Variants in COL11A1 observed in about 807,000 individuals in gnomAD.
The protein encoded by COL11A1 is collagen alpha-1(XI) chain.
In COL11A1, 74 loss-of-function variants were observed where a neutral mutation model predicts 265.2. The ratio of observed to expected loss-of-function variants is 0.28; its 90% CI spans 0.23 to 0.34. COL11A1 has a LOEUF of 0.34. COL11A1 is among the 10% of genes least tolerant of loss of function. The pLI is 1.00. For missense variants in COL11A1, 2,165 were observed against 2,263.6 expected (o/e 0.96, Z 0.88); for synonymous variants, 816 against 727.6 (o/e 1.12, Z -1.96).
At chr1:102,991,434 C>A (rs1664116334) in intron 28 of COL11A1, among the ~76,000 whole-genome samples, 1 of 111,724 alleles carries the variant, frequency 9.0e-6, no homozygotes, top group African/African-American at 2.5e-5. Flanking sequence ...AGGCACCTCC[C>A]TTCACCACGT....
chr1:103,001,331 T>C (rs1225356169), intron 24 of COL11A1: 84 of 396,018 alleles, frequency 2.1e-4, no homozygotes, highest in Non-Finnish European at 5.8e-5. Context: ...ACAAAAATAA[T>C]GAAAGAAAAA....
chr1:103,083,095 T>C, intron 1 of COL11A1, 123 bp from the exon 2 acceptor site: 1 of 928,710 alleles, frequency 1.1e-6, no homozygotes, highest in Non-Finnish European at 1.6e-6. Context: ...TTGCCATGCT[T>C]CCCTAACATT....
Position 102,997,061 on chromosome 1 carries a change from T to C in COL11A1, c.2241+19A>G, listed in dbSNP as rs771909220. On this transcript the variant is annotated intron_variant, in intron 26 of 66. Transcript: ENST00000370096. ...GAAATTTATTAATAGGACATTTAAA[T>C]GGATACTTTGGAACCTACCAGAGCC... 4 of 1,608,358 alleles carry C rather than the reference T, an allele frequency of 2.5e-6. No individual in the cohort carries two copies. The highest frequency in any genetic ancestry group is 2.2e-5 in the East Asian group (1 of 44,696).
intron 31 of COL11A1, among the ~76,000 whole-genome samples, chr1:102,982,210 C>A (rs1663105498): frequency 6.6e-6 from 1 of 151,792 alleles, no homozygotes; most frequent in African/African-American, 2.4e-5. Context: ...TTGGATACCT[C>A]TAGGAGGAAA....
rs375927122 is a variant in COL11A1 at position 102,996,013 on chromosome 1, T to C, written c.2271A>G (p.Gly757=). The C allele has an allele frequency of 6.2e-7, 1 of 1,613,394 alleles. No individual in the cohort carries two copies. Among genetic ancestry groups the C allele is most frequent in the Middle Eastern group, 1.7e-4 (1 of 6,040 alleles). Residue 757 remains glycine, a synonymous_variant, in exon 27 of 67, where the codon GGA becomes GGG. Transcript: ENST00000370096. ...LGPPGPQGPI[G]YPGPRGVKGA... ...CCTTTACTCCCCGGGGGCCCGGGTATCCAATAGGACCTTGTGGACCAGGGG... is the reference window on the plus strand; with the variant it reads ...CCTTTACTCCCCGGGGGCCCGGGTACCCAATAGGACCTTGTGGACCAGGGG...
At position 102,893,627 on chromosome 1, in the gene COL11A1, A is replaced by G. The variant is rs144944641; in HGVS notation, c.4303-3123T>C. On this transcript the variant is annotated intron_variant, in intron 57 of 66. Coordinates refer to ENST00000370096, the MANE Select transcript of COL11A1 (RefSeq NM_001854.4). ...GTGAAAAGGAAAACAGGGATGATAC[A>G]TTCTTAAGTGTCTAGAATACACAAG... Among the ~76,000 whole-genome samples the G allele has an allele frequency of 2.4e-4, 36 of 152,286 alleles. No individual in the cohort carries two copies. In the East Asian group the frequency reaches 6.0e-3, roughly 25 times the overall value.
chr1:103,027,626 C>T (rs1667650798), intron 5 of COL11A1, among the ~76,000 whole-genome samples: 1 of 151,658 alleles, frequency 6.6e-6, no homozygotes, highest in South Asian at 2.1e-4. Flanking sequence ...TAACCATTCC[C>T]TTTTAATCTT....
rs189254604 is a variant in COL11A1, at chr1:102,923,558, T to C, written c.3601-169A>G. ...CTACTATGCAAATGTTGACCACATG[T>C]GATAAAATCTTACACCTACATTTAC... On this transcript the variant is annotated intron_variant, in intron 46 of 66. Transcript: ENST00000370096. Among the ~76,000 whole-genome samples the C allele has an allele frequency of 4.3e-3, 650 of 152,272 alleles. 5 individuals carry two copies. Among genetic ancestry groups the C allele is most frequent in the Non-Finnish European group, 6.6e-3 (452 of 68,000 alleles).
At chr1:102,970,393 C>T in intron 36 of COL11A1, 121 bp from the exon 37 acceptor site, 1 of 701,386 alleles carries the variant, frequency 1.4e-6, no homozygotes, top group Non-Finnish European at 2.4e-6. Context: ...TTACTTTGCT[C>T]TTCTGTTGAT....
At chr1:102,946,649 C>T (rs1332181222) in intron 42 of COL11A1, among the ~76,000 whole-genome samples, 200 bp downstream of exon 42, 1 of 151,830 alleles carries the variant, frequency 6.6e-6, no homozygotes, top group Non-Finnish European at 1.5e-5. Flanking sequence ...ATTACGGTTT[C>T]ATAAAGTGTG....
At chr1:102,914,476 G>A in intron 51 of COL11A1, 71 bp from the exon 52 acceptor site, 2 of 1,394,016 alleles carry the variant, frequency 1.4e-6, no homozygotes, top group Non-Finnish European at 2.0e-6. Flanking sequence ...ACATTCTGGA[G>A]GTGAAGAGGT....
chr1:102,901,319 TAAA>T (rs35142040), intron 54 of COL11A1, among the ~76,000 whole-genome samples: 2 of 125,792 alleles, frequency 1.6e-5, no homozygotes. Context: ...AAACTCTGTC[TAAA>T]AAAAAAAAAA....
At chr1:103,099,677 T>A (rs1214348298) in intron 1 of COL11A1, among the ~76,000 whole-genome samples, 1 of 151,772 alleles carries the variant, frequency 6.6e-6, no homozygotes, top group Non-Finnish European at 1.5e-5. Context: ...AAAATGATGA[T>A]TTATGCTACG....
At chr1:102,879,454 A>G (rs1197486796) in intron 66 of COL11A1, among the ~76,000 whole-genome samples, 1 of 152,192 alleles carries the variant, frequency 6.6e-6, no homozygotes, top group African/African-American at 2.4e-5. Context: ...ATCCAAGATT[A>G]CCTTCTGTAT....
In COL11A1 at chr1:102,987,371, C is replaced by CT. The variant is rs34440236; in HGVS notation, c.2502+261dup. ...TAACACTTGTCATAGACATTTCTTGCTTTTTTTTTTTTAAATTTAACTTCA... is the reference window on the plus strand; with the variant it reads ...TAACACTTGTCATAGACATTTCTTGCTTTTTTTTTTTTTAAATTTAACTTCA... On this transcript the variant is annotated intron_variant, in intron 30 of 66. Coordinates refer to ENST00000370096, the MANE Select transcript of COL11A1 (RefSeq NM_001854.4). 0.63 allele frequency among the ~76,000 whole-genome samples: 91,140 copies of CT among 145,446 alleles called. 29,760 individuals carry two copies. The highest frequency in any genetic ancestry group is 0.89 in the East Asian group (4,487 of 5,036).
intron 7 of COL11A1, among the ~76,000 whole-genome samples, chr1:103,023,374 T>C (rs1167349658): frequency 1.3e-5 from 2 of 151,850 alleles, no homozygotes; most frequent in Non-Finnish European, 1.5e-5. Context: ...TTCTTTCTTT[T>C]TTTTTTTTGA....
At chr1:103,048,726 G>A (rs529592032) in intron 4 of COL11A1, among the ~76,000 whole-genome samples, 1 of 152,198 alleles carries the variant, frequency 6.6e-6, no homozygotes, top group South Asian at 2.1e-4. Context: ...GCTTTCTCTT[G>A]TGGGCTTTTA....
chr1:103,092,645 G>A lies in COL11A1; in HGVS notation c.107-9673C>T, dbSNP rs80090210. ...TTGCTATTGTGGTGAACCCAAATGTGGCAAGTATCTGCTTAAATATCATTT... is the reference window on the plus strand; with the variant it reads ...TTGCTATTGTGGTGAACCCAAATGTAGCAAGTATCTGCTTAAATATCATTT... On this transcript the variant is annotated intron_variant, in intron 1 of 66. Transcript: ENST00000370096. Among the ~76,000 whole-genome samples, 76 of 152,196 alleles carry A rather than the reference G, an allele frequency of 5.0e-4. 2 individuals are homozygous for A. The East Asian group carries it at 0.014, about 28-fold the overall frequency.
chr1:102,949,291 C>T (rs1255739195), intron 41 of COL11A1, among the ~76,000 whole-genome samples: 2 of 150,980 alleles, frequency 1.3e-5, no homozygotes, highest in Non-Finnish European at 1.5e-5. Context: ...CTAACCCTCA[C>T]AAAATGATTG....
Sources: allele counts gnomAD v4.1 joint callset (sites outside exome capture counted in the v4.1 genomes callset), GRCh38; gene constraint gnomAD v4.1.1; transcripts MANE v1.5; gene names NCBI Gene and HGNC (gene_info 2026-07-23, HGNC 2026-07-21).